CCNF: variants seen among roughly 807,000 people sequenced by gnomAD.
The protein encoded by CCNF is cyclin-F.
A neutral mutation model predicts 85.4 loss-of-function variants in CCNF; 30 were observed. The ratio of observed to expected loss-of-function variants is 0.35; its 90% CI spans 0.26 to 0.48. CCNF has a LOEUF of 0.48. Among genes scored for constraint, CCNF ranks in the 20% least tolerant of loss-of-function variants. The pLI, the probability that CCNF is intolerant of heterozygous loss-of-function variation, is 0.99. For synonymous variants in CCNF, 439 were observed against 425.1 expected, an observed-to-expected ratio of 1.03 and a Z score of -0.40; for missense variants, 919 against 1,010.4, an observed-to-expected ratio of 0.91 and a Z score of 1.23.
chr16:2,447,428 C>CA (rs1412524027), intron 10 of CCNF, among the ~76,000 whole-genome samples: 1 of 151,854 alleles, frequency 6.6e-6, no homozygotes, highest in Non-Finnish European at 1.5e-5. Context: ...ACTAAAGATA[C>CA]AAAAAATTAG....
At chr16:2,448,377 C>A (rs1452862752) in intron 10 of CCNF, among the ~76,000 whole-genome samples, 1 of 152,158 alleles carries the variant, frequency 6.6e-6, no homozygotes, top group Non-Finnish European at 1.5e-5. Context: ...TCCCTCTTTC[C>A]AGCACTTTCT....
intron 8 of CCNF, among the ~76,000 whole-genome samples, chr16:2,440,596 A>C (rs1373810113): frequency 6.6e-6 from 1 of 152,158 alleles, no homozygotes; most frequent in Non-Finnish European, 1.5e-5. Flanking sequence ...CTCTGTCTGA[A>C]GGAAAAAAAA....
In CCNF at chr16:2,457,204, T is replaced by C; in HGVS notation, c.*184T>C. The C allele has an allele frequency of 1.8e-6, 1 of 561,190 alleles. No homozygotes were observed. The highest frequency in any genetic ancestry group is 3.1e-6 in the Non-Finnish European group (1 of 319,438). The allele number at this position is 561,190 out of a possible 1,614,324, so 34.8% of individuals were successfully genotyped here. A position where few individuals can be genotyped will look rare whatever the true frequency, so the allele number is the denominator to read the frequency against. On this transcript the variant is annotated 3_prime_UTR_variant, in exon 17 of 17. Transcript: ENST00000397066. Reference sequence around the variant, plus strand: ...CGTGCAAGCCATCAGAATGTTGAAATGAGGGTGAAGAGCTCAGATCCCTCT... The same window carrying C: ...CGTGCAAGCCATCAGAATGTTGAAACGAGGGTGAAGAGCTCAGATCCCTCT...
intron 15 of CCNF, among the ~76,000 whole-genome samples, chr16:2,454,202 T>A (rs2065411678): frequency 6.6e-6 from 1 of 152,090 alleles, no homozygotes. Context: ...TCCAGAAGCG[T>A]TGTGTCGGGA....
In CCNF at chr16:2,453,318, C is replaced by T. The variant is rs745832343; in HGVS notation, c.1587+9C>T. 3 of 1,613,764 alleles carry T rather than the reference C, an allele frequency of 1.9e-6. No homozygotes were observed. The highest frequency in any genetic ancestry group is 2.2e-5 in the East Asian group (1 of 44,900). On this transcript the variant is annotated intron_variant, in intron 14 of 16. Coordinates refer to ENST00000397066, the MANE Select transcript of CCNF (RefSeq NM_001761.3). The surrounding 1 kb of genome is among the most constrained non-coding windows in gnomAD (Gnocchi z 5.6). ...AAATCAGCCAGGAAGAGGTGCCTCC[C>T]TCCCGCCACCTGGGCGTCTCATGGG...
Position 2,445,631 on chromosome 16 carries a change from C to A in CCNF, c.1094+9C>A, listed in dbSNP as rs2065357838. 1.1e-5 allele frequency: 18 copies of A among 1,608,906 alleles called. No homozygotes were observed. The highest frequency in any genetic ancestry group is 1.7e-5 in the Admixed American group (1 of 59,920). On this transcript the variant is annotated intron_variant, in intron 10 of 16. Coordinates refer to ENST00000397066, the MANE Select transcript of CCNF (RefSeq NM_001761.3). ...ATGGTCATCTGCACCCGGTGAGAAG[C>A]CCCCTTGGCCCAGCTGGCAGGGACG...
chr16:2,456,498 G>A lies in CCNF; in HGVS notation c.1886-47G>A. On this transcript the variant is annotated intron_variant, in intron 16 of 16. Transcript: ENST00000397066. This position sits in a 1 kb window ranked among gnomAD's most constrained non-coding sequence, Gnocchi z 4.5. ...CCTGACCTGGCAGGGGGTCTCCCCT[G>A]ATGCTTGGGTGTGACATGACTTCCC... The A allele has an allele frequency of 7.2e-7, 1 of 1,383,638 alleles. No individual in the cohort carries two copies. Among genetic ancestry groups the A allele is most frequent in the Non-Finnish European group, 9.7e-7 (1 of 1,028,894 alleles). 85.7% of individuals were successfully genotyped at this position (1,383,638 alleles called of 1,614,324 possible).
chr16:2,443,339 C>A (rs2065343052), intron 8 of CCNF, among the ~76,000 whole-genome samples: 1 of 151,434 alleles, frequency 6.6e-6, no homozygotes, highest in African/African-American at 2.4e-5. Context: ...TCGGAGAGCA[C>A]TGGGGCGTAT....
chr16:2,444,536 G>A (rs1596923513), intron 9 of CCNF, among the ~76,000 whole-genome samples: 4 of 150,074 alleles, frequency 2.7e-5, no homozygotes, highest in Non-Finnish European at 1.5e-5. Context: ...TCCTGACCTC[G>A]TGATCCGCCT....
chr16:2,442,871 T>TA (rs1471036013), intron 8 of CCNF, among the ~76,000 whole-genome samples: 2 of 33,236 alleles, frequency 6.0e-5, no homozygotes, highest in African/African-American at 3.4e-4. Flanking sequence ...ATATTATATA[T>TA]ATTATATTAT....
chr16:2,445,747 A>T (rs186677755), intron 10 of CCNF, 125 bp downstream of exon 10: 22 of 690,620 alleles, frequency 3.2e-5, no homozygotes, highest in Admixed American at 3.1e-4. Context: ...TTTTTTCCCG[A>T]GACCAAGTCT....
At position 2,455,495 on chromosome 16, in the gene CCNF, G is replaced by C; in HGVS notation, c.1816G>C (p.Asp606His). 1.2e-6 allele frequency: 2 copies of C among 1,607,386 alleles called. No homozygotes were observed. The highest frequency in any genetic ancestry group is 1.7e-6 in the Non-Finnish European group (2 of 1,174,816). ...QEETLLGSFL[D>H]WSLDCCSGYE... ...GGAGACGCTGCTGGGCAGCTTCCTC[G>C]ACTGGAGCCTGGACTGCTGCTCTGG... The change falls in exon 16 of 17, where the codon GAC becomes CAC. Residue 606 changes from aspartate (D) to histidine (H), a missense_variant. By Grantham distance (81) the Asp-to-His change is moderately conservative (BLOSUM62 -1). This residue lies in a region of CCNF where 505 missense variants were observed against 514.8 expected (regional missense o/e 0.98). Transcript: ENST00000397066.
intron 5 of CCNF, 119 bp downstream of exon 5, chr16:2,437,441 C>A: frequency 2.8e-6 from 2 of 721,738 alleles, no homozygotes; most frequent in Non-Finnish European, 4.3e-6. Flanking sequence ...AGTGAAGATG[C>A]AGAAAACTGA....
intron 10 of CCNF, among the ~76,000 whole-genome samples, chr16:2,446,222 A>G (rs1567387950): frequency 6.6e-6 from 1 of 152,226 alleles, no homozygotes; most frequent in Non-Finnish European, 1.5e-5. Flanking sequence ...TCGCTCTGGC[A>G]GGCACAGGCT....
intron 3 of CCNF, among the ~76,000 whole-genome samples, chr16:2,433,424 C>T (rs1376858604): frequency 6.6e-6 from 1 of 152,192 alleles, no homozygotes. Context: ...TATCCTATAG[C>T]GTTTCACTCA....
chr16:2,450,581 C>G (rs938899405), intron 13 of CCNF, among the ~76,000 whole-genome samples: 11 of 151,914 alleles, frequency 7.2e-5, no homozygotes, highest in African/African-American at 2.4e-4. Context: ...CTGCTCCCAA[C>G]CCAAGCTCAT....
rs1036131624 is a variant in CCNF, at chr16:2,453,642, G to A, written c.1715+105G>A. 3 of 1,456,324 alleles carry A rather than the reference G, an allele frequency of 2.1e-6. No homozygotes were observed. Among genetic ancestry groups the A allele is most frequent in the Non-Finnish European group, 2.8e-6 (3 of 1,060,716 alleles). The allele number at this position is 1,456,324 out of a possible 1,614,324, so 90.2% of individuals were successfully genotyped here. On this transcript the variant is annotated intron_variant, in intron 15 of 16. Coordinates refer to ENST00000397066, the MANE Select transcript of CCNF (RefSeq NM_001761.3). The surrounding 1 kb of genome is among the most constrained non-coding windows in gnomAD (Gnocchi z 5.6). ...ACAGAGAGGCCCCCAAGGCTTGTCAGGGGAGCAGCAGATCCCAGGACAGTG... is the reference window on the plus strand; with the variant it reads ...ACAGAGAGGCCCCCAAGGCTTGTCAAGGGAGCAGCAGATCCCAGGACAGTG...
Position 2,458,595 on chromosome 16 carries a change from T to G in CCNF, c.*1575T>G, listed in dbSNP as rs2065445086. 1 of 152,320 alleles carries G rather than the reference T, an allele frequency of 6.6e-6. No individual in the cohort carries two copies. The highest frequency in any genetic ancestry group is 1.5e-5 in the Non-Finnish European group (1 of 68,126). The allele number at this position is 152,320 out of a possible 1,614,324, so 9.4% of individuals were successfully genotyped here. A position where few individuals can be genotyped will look rare whatever the true frequency, so the allele number is the denominator to read the frequency against. ...AAACCCAGGGATGGGAGATGCTCACTGAGCTGCTGCTTTTATGTGTGCTGG... is the reference window on the plus strand; with the variant it reads ...AAACCCAGGGATGGGAGATGCTCACGGAGCTGCTGCTTTTATGTGTGCTGG... On this transcript the variant is annotated 3_prime_UTR_variant, in exon 17 of 17. Coordinates refer to ENST00000397066, the MANE Select transcript of CCNF (RefSeq NM_001761.3).
At chr16:2,447,505 A>C (rs1596926109) in intron 10 of CCNF, among the ~76,000 whole-genome samples, 1 of 151,726 alleles carries the variant, frequency 6.6e-6, no homozygotes, top group East Asian at 1.9e-4. Flanking sequence ...AATTGCTTGA[A>C]CCCGAGAGGC....
Sources: allele counts gnomAD v4.1 joint callset (sites outside exome capture counted in the v4.1 genomes callset), GRCh38; gene constraint gnomAD v4.1.1; regional missense constraint gnomAD v4.1.1; non-coding constraint Gnocchi (gnomAD v3.1); transcripts MANE v1.5; gene names NCBI Gene and HGNC (gene_info 2026-07-23, HGNC 2026-07-21).